The following DISC1 variants were observed in gnomAD, a reference collection of about 807,000 sequenced individuals.
The protein encoded by DISC1 is disrupted in schizophrenia 1 protein.
Under a neutral mutation model 84.5 loss-of-function variants are expected in DISC1, and 57 were observed. The ratio of observed to expected loss-of-function variants is 0.67; its 90% CI spans 0.55 to 0.84. DISC1 has a LOEUF of 0.84. Among genes scored for constraint, DISC1 ranks in the 40% least tolerant of loss-of-function variants. The probability of loss-of-function intolerance (pLI) is 0.00; values close to 1 mark genes in which losing one functional copy is unlikely to be tolerated. For missense variants in DISC1, 1,000 were observed against 1,057.8 expected (o/e 0.95, Z 0.76); for synonymous variants, 411 against 415.2 (o/e 0.99, Z 0.12).
At chr1:231,692,073 G>A (rs1572915208) in intron 1 of DISC1, among the ~76,000 whole-genome samples, 1 of 152,210 alleles carries the variant, frequency 6.6e-6, no homozygotes, top group Non-Finnish European at 1.5e-5. Context: ...ACTTTGGAAC[G>A]AGACAAGCCT....
chr1:231,835,213 C>T (rs188161719), intron 9 of DISC1, among the ~76,000 whole-genome samples: 4 of 152,282 alleles, frequency 2.6e-5, no homozygotes, highest in African/African-American at 4.8e-5. Context: ...GGGGGTCCCC[C>T]GATCTGAGTC....
At chr1:231,759,551 A>AAAC (rs2075457158) in intron 4 of DISC1, among the ~76,000 whole-genome samples, 1 of 139,658 alleles carries the variant, frequency 7.2e-6, no homozygotes, top group Non-Finnish European at 1.5e-5. Context: ...AAAAAAAAAA[A>AAAC]CAAAACTAGC....
In DISC1 at chr1:231,770,853, C is replaced by T. The variant is rs200412573; in HGVS notation, c.1417C>T (p.Gln473Ter). The T allele has an allele frequency of 6.2e-7, 1 of 1,614,126 alleles. No individual in the cohort carries two copies. The highest frequency in any genetic ancestry group is 1.3e-5 in the African/African-American group (1 of 75,040). ...QQLQKEIEAL[Q>*]ARMFVLEAKD... ...TCTACAGAAAGAAATCGAAGCTCTC[C>T]AAGCAAGGATGTTTGTGCTGGAAGC... The change falls in exon 6 of 13, where the codon CAA becomes TAA. Residue 473 changes from glutamine to a stop codon, truncating the protein, a stop_gained. Transcript: ENST00000439617. LOFTEE classifies it high-confidence loss of function.
intron 9 of DISC1, among the ~76,000 whole-genome samples, chr1:231,930,932 A>C (rs2090620781): frequency 6.6e-6 from 1 of 151,940 alleles, no homozygotes; most frequent in Non-Finnish European, 1.5e-5. Context: ...TTTGGGATTG[A>C]CTCTTAGCTC....
In DISC1 at chr1:231,780,668, C is replaced by G. The variant is rs376148710; in HGVS notation, c.1634+9598C>G. 1.3e-3 allele frequency among the ~76,000 whole-genome samples: 137 copies of G among 109,246 alleles called. 1 individual carries two copies. Among genetic ancestry groups the G allele is most frequent in the African/African-American group, 4.6e-3 (129 of 27,984 alleles). 71.7% of individuals were successfully genotyped at this position (109,246 alleles called of 152,430 possible). A position where few individuals can be genotyped will look rare whatever the true frequency, so the allele number is the denominator to read the frequency against. On this transcript the variant is annotated intron_variant, in intron 6 of 12. Transcript: ENST00000439617. ...AGCCATCCCATTACTGGGTATATAC[C>G]CAAAGGACTATAAATCATGCTGCTA...
chr1:231,879,325 G>A (rs1326293765), intron 9 of DISC1, among the ~76,000 whole-genome samples: 1 of 151,942 alleles, frequency 6.6e-6, no homozygotes, highest in Non-Finnish European at 1.5e-5. Flanking sequence ...TTTTCTAAGA[G>A]TGGAATTTCT....
intron 1 of DISC1, among the ~76,000 whole-genome samples, chr1:231,641,848 T>G (rs2059717850): frequency 6.6e-6 from 1 of 152,190 alleles, no homozygotes; most frequent in Non-Finnish European, 1.5e-5. Context: ...ATAAAGGTTC[T>G]CCAAGGCCCC....
intron 9 of DISC1, chr1:231,866,709 G>T: frequency 2.0e-5 from 27 of 1,357,354 alleles, no homozygotes; most frequent in Non-Finnish European, 2.6e-5. Context: ...AAAAAGAAAA[G>T]AAAGCATGTC....
rs1670366128 is a variant in DISC1, at chr1:232,034,848, A to G, written c.2426-1844A>G. On this transcript the variant is annotated intron_variant, in intron 12 of 12. Coordinates refer to ENST00000439617, the MANE Select transcript of DISC1 (RefSeq NM_018662.3). ...CTTGTATAAAGTGGTATATGTTTTC[A>G]ATAAAGATTAGCGGAACTATGTAAG... Among the ~76,000 whole-genome samples the G allele has an allele frequency of 2.6e-5, 4 of 152,092 alleles. No individual in the cohort carries two copies. In the South Asian group the frequency reaches 8.3e-4, roughly 31 times the overall value.
At chr1:231,813,215 TCTGA>T (rs2080500716) in intron 8 of DISC1, 1 of 152,224 alleles carries the variant, frequency 6.6e-6, no homozygotes, top group African/African-American at 2.4e-5. Context: ...ATCTTTTCTT[TCTGA>T]CTGTTTGCAG....
chr1:232,025,586 A>G (rs1385671762), intron 11 of DISC1, among the ~76,000 whole-genome samples: 1 of 147,946 alleles, frequency 6.8e-6, no homozygotes, highest in East Asian at 2.0e-4. Context: ...AAAAGACATC[A>G]TCATCCTGCT....
At chr1:231,777,885 A>G (rs930522406) in intron 6 of DISC1, among the ~76,000 whole-genome samples, 1 of 152,212 alleles carries the variant, frequency 6.6e-6, no homozygotes, top group Admixed American at 6.5e-5. Context: ...CTGAGGGTCC[A>G]AGTTCACACA....
At chr1:231,805,430 C>G (rs1301535113) in intron 8 of DISC1, among the ~76,000 whole-genome samples, 3 of 151,764 alleles carry the variant, frequency 2.0e-5, no homozygotes, top group Non-Finnish European at 4.4e-5. Flanking sequence ...AGGAAACTTA[C>G]AATCATGGCG....
chr1:231,848,254 T>C (rs2083605722), intron 9 of DISC1, among the ~76,000 whole-genome samples: 1 of 152,154 alleles, frequency 6.6e-6, no homozygotes, highest in East Asian at 1.9e-4. Context: ...AGCATCAAAC[T>C]GCGCCACTAG....
At chr1:231,866,616 A>T in intron 9 of DISC1, 1 of 1,561,350 alleles carries the variant, frequency 6.4e-7, no homozygotes. Context: ...ATTTGAACCC[A>T]GAGAGTCTGA....
Position 231,626,906 on chromosome 1 carries a change from C to G in DISC1, c.39C>G (p.Ala13=), listed in dbSNP as rs761828898. Residue 13 remains alanine (A), a synonymous_variant, in exon 1 of 13, where the codon GCC becomes GCG. Transcript: ENST00000439617. ...GTCCTCAGGGCGCCCCAGCCGCCGCCGGCGGCGGCGGCGTGAGCCACCGCG... is the reference window on the plus strand; with the variant it reads ...GTCCTCAGGGCGCCCCAGCCGCCGCGGGCGGCGGCGGCGTGAGCCACCGCG... ...GGGPQGAPAA[A]GGGGVSHRAG... The G allele has an allele frequency of 8.7e-6, 13 of 1,496,930 alleles. No homozygotes were observed. The South Asian group carries it at 1.5e-4, about 17-fold the overall frequency. The allele number at this position is 1,496,930 out of a possible 1,614,324, so 92.7% of individuals were successfully genotyped here.
chr1:231,895,583 T>A (rs901227310), intron 9 of DISC1, among the ~76,000 whole-genome samples: 1 of 151,888 alleles, frequency 6.6e-6, no homozygotes, highest in Non-Finnish European at 1.5e-5. Context: ...TATTGTTTTC[T>A]TTCCTGGGAT....
intron 11 of DISC1, among the ~76,000 whole-genome samples, chr1:232,025,174 C>A (rs16856245): frequency 1.3e-5 from 2 of 152,072 alleles, no homozygotes; most frequent in African/African-American, 4.8e-5. Context: ...AATGGTTGCA[C>A]TACAAGGTGA....
At chr1:231,886,838 T>C (rs1156665520) in intron 9 of DISC1, among the ~76,000 whole-genome samples, 4 of 132,220 alleles carry the variant, frequency 3.0e-5, no homozygotes, top group African/African-American at 1.2e-4. Context: ...TTTCTTTCCT[T>C]CTTTCTTTTC....
Sources: allele counts gnomAD v4.1 joint callset (sites outside exome capture counted in the v4.1 genomes callset), GRCh38; gene constraint gnomAD v4.1.1; transcripts MANE v1.5; gene names NCBI Gene and HGNC (gene_info 2026-07-23, HGNC 2026-07-21).